The following CACNB2 variants were observed in gnomAD, a reference collection of about 807,000 sequenced individuals.
CACNB2 encodes voltage-dependent L-type calcium channel subunit beta-2.
In CACNB2, 42 loss-of-function variants were observed where a neutral mutation model predicts 73.3. The observed-to-expected ratio is 0.57, with a 90% CI of 0.45 to 0.74. CACNB2 has a LOEUF of 0.74. Among genes scored for constraint, CACNB2 ranks in the 30% least tolerant of loss-of-function variants. The pLI is 0.00. For missense variants in CACNB2, 940 were observed against 853.0 expected, an observed-to-expected ratio of 1.10 and a Z score of -1.27; for synonymous variants, 348 against 310.3, an observed-to-expected ratio of 1.12 and a Z score of -1.28.
At position 18,461,571 on chromosome 10, in the gene CACNB2, T is replaced by C. The variant is rs1033931480; in HGVS notation, c.334-36784T>C. ...TATTTTTCCACAGGTGGGGAGGGGG[T>C]GGGAGATGGTTTTGGGATGAAACTG... On this transcript the variant is annotated intron_variant, in intron 3 of 13. Transcript: ENST00000324631. 3.4e-5 allele frequency among the ~76,000 whole-genome samples: 5 copies of C among 148,794 alleles called. No homozygotes were observed. The South Asian group carries it at 1.1e-3, about 32-fold the overall frequency.
intron 5 of CACNB2, among the ~76,000 whole-genome samples, chr10:18,505,826 A>G (rs970261856): frequency 6.6e-6 from 1 of 152,224 alleles, no homozygotes; most frequent in African/African-American, 2.4e-5. Context: ...TCGGAAATGT[A>G]TGATCTTCAA....
intron 2 of CACNB2, among the ~76,000 whole-genome samples, chr10:18,369,704 C>T (rs2042497615): frequency 1.3e-5 from 2 of 152,090 alleles, no homozygotes; most frequent in African/African-American, 2.4e-5. Flanking sequence ...ATCAGGAGTT[C>T]AAGACCAGCC....
intron 2 of CACNB2, among the ~76,000 whole-genome samples, chr10:18,387,783 C>T (rs1489162956): frequency 6.6e-6 from 1 of 151,392 alleles, no homozygotes; most frequent in Non-Finnish European, 1.5e-5. Context: ...TAGCGACAGG[C>T]TCTCATTCTG....
intron 9 of CACNB2, among the ~76,000 whole-genome samples, chr10:18,523,625 C>T (rs1320848661): frequency 6.6e-6 from 1 of 152,098 alleles, no homozygotes; most frequent in Non-Finnish European, 1.5e-5. Flanking sequence ...GTCCATAAGG[C>T]AGAATTTAAA....
At chr10:18,522,651 G>A (rs936914103) in intron 9 of CACNB2, among the ~76,000 whole-genome samples, 4 of 152,050 alleles carry the variant, frequency 2.6e-5, no homozygotes, top group East Asian at 1.9e-4. Context: ...AGGCCGAGGC[G>A]GGTGGATAAT....
chr10:18,389,005 G>T (rs1292155746), intron 2 of CACNB2, among the ~76,000 whole-genome samples: 1 of 151,994 alleles, frequency 6.6e-6, no homozygotes, highest in Non-Finnish European at 1.5e-5. Flanking sequence ...ATATTTTCAG[G>T]GTACTTTGTG....
intron 2 of CACNB2, among the ~76,000 whole-genome samples, chr10:18,382,436 T>C (rs1589196618): frequency 6.6e-6 from 1 of 152,166 alleles, no homozygotes; most frequent in Admixed American, 6.6e-5. Flanking sequence ...AGGTTTGTTA[T>C]ATAGGTAAAT....
chr10:18,238,513 A>C (rs767519254), intron 2 of CACNB2: 1 of 152,194 alleles, frequency 6.6e-6, no homozygotes, highest in Non-Finnish European at 1.5e-5. Flanking sequence ...TTTCCATCCA[A>C]TGTGAACCTA....
intron 2 of CACNB2, among the ~76,000 whole-genome samples, chr10:18,354,345 T>A (rs543423190): frequency 6.6e-6 from 1 of 152,232 alleles, no homozygotes; most frequent in African/African-American, 2.4e-5. Flanking sequence ...CTATGAGAAC[T>A]TTCCACTGTG....
intron 3 of CACNB2, among the ~76,000 whole-genome samples, chr10:18,443,715 C>CG (rs2046589976): frequency 1.9e-5 from 2 of 107,512 alleles, no homozygotes. Flanking sequence ...TTCCTACATA[C>CG]CTTTTTTTTT....
intron 3 of CACNB2, among the ~76,000 whole-genome samples, chr10:18,439,945 C>T (rs749041366): frequency 1.3e-5 from 2 of 152,172 alleles, no homozygotes; most frequent in Non-Finnish European, 2.9e-5. Flanking sequence ...TGTGTTGTAG[C>T]AGTAAGTGCT....
intron 2 of CACNB2, among the ~76,000 whole-genome samples, chr10:18,264,562 C>G (rs1009788384): frequency 2.6e-5 from 4 of 152,188 alleles, no homozygotes; most frequent in African/African-American, 9.7e-5. Flanking sequence ...AGACTTCTAA[C>G]ATGGTGGATT....
At chr10:18,409,515 A>G (rs2044496824) in intron 3 of CACNB2, among the ~76,000 whole-genome samples, 2 of 152,318 alleles carry the variant, frequency 1.3e-5, no homozygotes, top group East Asian at 1.9e-4. Context: ...TGACTAAAAG[A>G]AAGCCTGAAG....
At chr10:18,478,733 T>A (rs888615538) in intron 3 of CACNB2, among the ~76,000 whole-genome samples, 6 of 152,144 alleles carry the variant, frequency 3.9e-5, no homozygotes, top group African/African-American at 1.4e-4. Context: ...ATTGAGAGGA[T>A]CACTAGGGAG....
chr10:18,289,166 T>C (rs912314036), intron 2 of CACNB2, among the ~76,000 whole-genome samples: 2 of 152,302 alleles, frequency 1.3e-5, no homozygotes, highest in Non-Finnish European at 2.9e-5. Context: ...TATCAAGTTT[T>C]GCTTTTTTAA....
chr10:18,179,072 G>T (rs2131198680), intron 2 of CACNB2, among the ~76,000 whole-genome samples: 1 of 152,274 alleles, frequency 6.6e-6, no homozygotes, highest in Middle Eastern at 3.4e-3. Context: ...AGGCCTTACT[G>T]CGGAACAGGC....
intron 2 of CACNB2, among the ~76,000 whole-genome samples, chr10:18,387,222 A>G (rs557126985): frequency 7.2e-5 from 11 of 152,282 alleles, no homozygotes; most frequent in Middle Eastern, 6.8e-3. Flanking sequence ...CCAGCTGCAA[A>G]ACACAGCCTA....
intron 2 of CACNB2, among the ~76,000 whole-genome samples, chr10:18,277,242 G>C (rs1242490266): frequency 4.6e-5 from 7 of 152,196 alleles, no homozygotes; most frequent in African/African-American, 2.4e-5. Context: ...AGGTGGCACC[G>C]GGTGCAGACC....
At chr10:18,537,908 T>TTGA (rs1166693366) in intron 12 of CACNB2, among the ~76,000 whole-genome samples, 1 of 152,260 alleles carries the variant, frequency 6.6e-6, no homozygotes, top group African/African-American at 2.4e-5. Flanking sequence ...TCATTGCTGA[T>TTGA]TGATAGACAA....
Sources: allele counts gnomAD v4.1 joint callset (sites outside exome capture counted in the v4.1 genomes callset), GRCh38; gene constraint gnomAD v4.1.1; transcripts MANE v1.5; gene names NCBI Gene and HGNC (gene_info 2026-07-23, HGNC 2026-07-21).